RHOA: variants seen among roughly 807,000 people sequenced by gnomAD.
The protein encoded by RHOA is ras homolog family member A, also known as transforming protein RhoA.
In RHOA, 3 loss-of-function variants were observed where a neutral mutation model predicts 17.5. The observed-to-expected ratio is 0.17, with a 90% CI of 0.08 to 0.44. RHOA has a LOEUF of 0.44. Ranked by LOEUF, RHOA falls within the 20% of genes least tolerant of loss-of-function variation. The pLI is 0.99. For missense variants in RHOA, 56 were observed against 242.3 expected (o/e 0.23, Z 5.10); for synonymous variants, 98 against 88.4 (o/e 1.11, Z -0.61).
At chr3:49,406,853 AAAC>A (rs1302461068) in intron 1 of RHOA, 1 of 152,164 alleles carries the variant, frequency 6.6e-6, no homozygotes, top group Non-Finnish European at 1.5e-5. Flanking sequence ...AAAATTTTAA[AAAC>A]AAATCCTTAG....
At chr3:49,399,942 T>G (rs1305431492) in intron 1 of RHOA, among the ~76,000 whole-genome samples, 1 of 151,902 alleles carries the variant, frequency 6.6e-6, no homozygotes, top group Non-Finnish European at 1.5e-5. Context: ...CAGAAACGGC[T>G]GGGCACGGTG....
rs761095111 is a variant in RHOA, at chr3:49,360,391, G to GA, written c.409-10dup. On this transcript the variant is annotated splice_polypyrimidine_tract_variant and intron_variant, in intron 4 of 4. Transcript: ENST00000418115. ...TCAGGTTTCACCGGCTCCTAGCAAA[G>GA]AAAAAAAAATAGTCCTTTTAGCTAA... 784 of 1,556,532 alleles carry GA rather than the reference G, an allele frequency of 5.0e-4. No individual in the cohort carries two copies. The highest frequency in any genetic ancestry group is 2.1e-3 in the Middle Eastern group (12 of 5,800).
chr3:49,381,951 T>G (rs2048324944), intron 1 of RHOA, among the ~76,000 whole-genome samples: 1 of 151,810 alleles, frequency 6.6e-6, no homozygotes, highest in South Asian at 2.1e-4. Context: ...CTCAGGAGGC[T>G]GAGGTGGGAA....
intron 1 of RHOA, among the ~76,000 whole-genome samples, chr3:49,411,011 C>A (rs1016270338): frequency 6.6e-6 from 1 of 152,192 alleles, no homozygotes; most frequent in Non-Finnish European, 1.5e-5. Flanking sequence ...TGAAGACGAC[C>A]CGTAACTGTA....
chr3:49,405,999 G>A (rs1177128699), intron 1 of RHOA, among the ~76,000 whole-genome samples: 1 of 152,174 alleles, frequency 6.6e-6, no homozygotes, highest in African/African-American at 2.4e-5. Context: ...TTCTGTTTCT[G>A]AACTTAAGAT....
chr3:49,386,623 C>G (rs1406375057), intron 1 of RHOA, among the ~76,000 whole-genome samples: 1 of 152,148 alleles, frequency 6.6e-6, no homozygotes, highest in Non-Finnish European at 1.5e-5. Flanking sequence ...AGAAGTGATT[C>G]TACAGCTTTA....
chr3:49,366,411 T>C (rs1429075720), intron 3 of RHOA, among the ~76,000 whole-genome samples: 4 of 152,146 alleles, frequency 2.6e-5, no homozygotes, highest in Admixed American at 2.0e-4. Flanking sequence ...GAGAGAAGCC[T>C]GGCCAACACG....
At chr3:49,378,935 C>T (rs1055771224) in intron 1 of RHOA, among the ~76,000 whole-genome samples, 2 of 152,038 alleles carry the variant, frequency 1.3e-5, no homozygotes, top group Admixed American at 6.6e-5. Flanking sequence ...ATAAAGAACT[C>T]TTACAATTCA....
chr3:49,390,305 T>C (rs1421202381), intron 1 of RHOA, among the ~76,000 whole-genome samples: 2 of 152,036 alleles, frequency 1.3e-5, no homozygotes, highest in African/African-American at 2.4e-5. Context: ...CAGCTAATTT[T>C]TGTAGTTTTA....
intron 1 of RHOA, among the ~76,000 whole-genome samples, chr3:49,393,674 C>CTGTGTGTGTGTG (rs200446484): frequency 3.0e-3 from 13 of 4,350 alleles, no homozygotes; most frequent in African/African-American, 8.6e-3. Flanking sequence ...CAAATTCTCT[C>CTGTGTGTGTGTG]TCTGTGTGTG....
rs76225007 is a variant in RHOA, at chr3:49,391,231, G to A, written c.-2-15640C>T. ...ACGCCGTCTCAAAAAAAAAAAAAAA[G>A]AAATACAAAAATTAGCCAGGTGTGG... On this transcript the variant is annotated intron_variant, in intron 1 of 4. Coordinates refer to ENST00000418115, the MANE Select transcript of RHOA (RefSeq NM_001664.4). Among the ~76,000 whole-genome samples, 1,354 of 54,488 alleles carry A rather than the reference G, an allele frequency of 0.025. 78 individuals are homozygous for A. The East Asian group carries it at 0.5, about 20-fold the overall frequency. 35.7% of individuals were successfully genotyped at this position (54,488 alleles called of 152,430 possible). A position where few individuals can be genotyped will look rare whatever the true frequency, so the allele number is the denominator to read the frequency against.
chr3:49,373,809 G>GA lies in RHOA; in HGVS notation c.156+1624dup, dbSNP rs1008524591. On this transcript the variant is annotated intron_variant, in intron 2 of 4. Coordinates refer to ENST00000418115, the MANE Select transcript of RHOA (RefSeq NM_001664.4). ...ACAATCCCTGTCTCTTTATTTAAGA[G>GA]AAAAAAAAAAAAGTATGAGAGGCCA... Among the ~76,000 whole-genome samples, 146 of 106,012 alleles carry GA rather than the reference G, an allele frequency of 1.4e-3. No homozygotes were observed. In the East Asian group the frequency reaches 0.019, roughly 14 times the overall value. The allele number at this position is 106,012 out of a possible 152,430, so 69.5% of individuals were successfully genotyped here. A position where few individuals can be genotyped will look rare whatever the true frequency, so the allele number is the denominator to read the frequency against.
chr3:49,400,089 G>A (rs2048696809), intron 1 of RHOA, among the ~76,000 whole-genome samples: 2 of 151,776 alleles, frequency 1.3e-5, no homozygotes, highest in South Asian at 2.1e-4. Context: ...GCACGTGCTT[G>A]TAATCCCAGC....
intron 1 of RHOA, among the ~76,000 whole-genome samples, chr3:49,398,846 A>T: frequency 2.5e-5 from 1 of 39,480 alleles, no homozygotes; most frequent in Non-Finnish European, 7.9e-5. Context: ...TCTCAAAAAA[A>T]AAAAAAAAAA....
At chr3:49,375,626 A>C (rs748365500) in intron 1 of RHOA, 35 bp from the exon 2 acceptor site, 5 of 1,603,794 alleles carry the variant, frequency 3.1e-6, no homozygotes, top group Admixed American at 3.4e-5. Flanking sequence ...CCTGCAATGC[A>C]CAAGAAGTCA....
At chr3:49,393,671 TC>T (rs1559512142) in intron 1 of RHOA, among the ~76,000 whole-genome samples, 1 of 2,002 alleles carries the variant, frequency 5.0e-4, no homozygotes, top group Non-Finnish European at 9.5e-4. Flanking sequence ...TCTCAAATTC[TC>T]TCTCTGTGTG....
intron 1 of RHOA, among the ~76,000 whole-genome samples, chr3:49,393,595 CTTTTTT>C (rs34715210): frequency 4.1e-5 from 4 of 97,960 alleles, no homozygotes; most frequent in African/African-American, 1.2e-4. Flanking sequence ...ACTGCACTGG[CTTTTTT>C]TTTTTTTTTT....
At chr3:49,370,482 C>T (rs1051959190) in intron 2 of RHOA, among the ~76,000 whole-genome samples, 2 of 152,108 alleles carry the variant, frequency 1.3e-5, no homozygotes, top group Non-Finnish European at 2.9e-5. Flanking sequence ...ATGTGGAAAC[C>T]ATGGAAACAA....
At chr3:49,387,758 A>C (rs1471683442) in intron 1 of RHOA, among the ~76,000 whole-genome samples, 2 of 151,582 alleles carry the variant, frequency 1.3e-5, no homozygotes, top group Non-Finnish European at 2.9e-5. Flanking sequence ...AAAAACAAAA[A>C]AAAAAACCCT....
Sources: allele counts gnomAD v4.1 joint callset (sites outside exome capture counted in the v4.1 genomes callset), GRCh38; gene constraint gnomAD v4.1.1; transcripts MANE v1.5; gene names NCBI Gene and HGNC (gene_info 2026-07-23, HGNC 2026-07-21).